The following CNBD1 variants were observed in gnomAD, a reference collection of about 807,000 sequenced individuals.
CNBD1 encodes cyclic nucleotide binding domain containing 1.
Under a neutral mutation model 54.4 loss-of-function variants are expected in CNBD1, and 71 were observed. The ratio of observed to expected loss-of-function variants is 1.30; its 90% CI spans 1.08 to 1.59. The LOEUF (loss-of-function observed/expected upper bound fraction) is 1.59, where lower values mean the gene tolerates loss of function less well. Among genes scored for constraint, CNBD1 ranks in the 40% most tolerant of loss-of-function variants. CNBD1 has a pLI of 0.00. For missense variants in CNBD1, 659 were observed against 518.0 expected (o/e 1.27, Z -2.64); for synonymous variants, 182 against 170.7 (o/e 1.07, Z -0.51).
At chr8:87,383,042 T>TA (rs993673153), downstream of CNBD1, among the ~76,000 whole-genome samples, 167 of 151,966 alleles carry the variant, frequency 1.1e-3, 1 homozygote, top group African/African-American at 3.1e-4. Context: ...CTTTTGGGAT[T>TA]AAAAAAAATC....
At chr8:86,917,652 G>A (rs1167097983) in intron 3 of CNBD1, among the ~76,000 whole-genome samples, 1 of 152,118 alleles carries the variant, frequency 6.6e-6, no homozygotes, top group East Asian at 1.9e-4. Flanking sequence ...AAGAGTGGAT[G>A]CAGAAGCAGA....
At position 87,062,736 on chromosome 8, in the gene CNBD1, GA is replaced by G. The variant is rs34209251; in HGVS notation, c.431+122994del. On this transcript the variant is annotated intron_variant, in intron 4 of 10. Coordinates refer to ENST00000518476, the MANE Select transcript of CNBD1 (RefSeq NM_173538.3). ...GAGCCACAAGAGCGAAACTCCATCTGAAAAAAAAAAAATGCTTTGTACATTA... is the reference window on the plus strand; with the variant it reads ...GAGCCACAAGAGCGAAACTCCATCTGAAAAAAAAAAATGCTTTGTACATTA... Among the ~76,000 whole-genome samples, 926 of 140,158 alleles carry G rather than the reference GA, an allele frequency of 6.6e-3. 8 individuals are homozygous for G. The highest frequency in any genetic ancestry group is 0.021 in the African/African-American group (803 of 38,452). 91.9% of individuals were successfully genotyped at this position (140,158 alleles called of 152,430 possible).
chr8:87,380,143 C>A (rs1211029366), intron 10 of CNBD1, among the ~76,000 whole-genome samples: 1 of 151,816 alleles, frequency 6.6e-6, no homozygotes, highest in East Asian at 1.9e-4. Flanking sequence ...ATATAATTAC[C>A]AGCTAAAAGA....
chr8:86,925,480 AAAGTGTGTGTGTGTGTGT>A lies in CNBD1; in HGVS notation c.273-14115_273-14098del, dbSNP rs1325913125. On this transcript the variant is annotated intron_variant, in intron 3 of 10. Coordinates refer to ENST00000518476, the MANE Select transcript of CNBD1 (RefSeq NM_173538.3). ...AGTAAAATATATACGGGCTTACCAA[AAAGTGTGTGTGTGTGTGT>A]GTGTGTGTGTGTGTGTGTGTGTGTG... 4.3e-5 allele frequency among the ~76,000 whole-genome samples: 5 copies of A among 117,012 alleles called. No individual in the cohort carries two copies. In the South Asian group the frequency reaches 1.2e-3, roughly 28 times the overall value. 76.8% of individuals were successfully genotyped at this position (117,012 alleles called of 152,430 possible). A position where few individuals can be genotyped will look rare whatever the true frequency, so the allele number is the denominator to read the frequency against.
At chr8:86,899,220 T>C (rs1808895432) in intron 2 of CNBD1, among the ~76,000 whole-genome samples, 1 of 152,042 alleles carries the variant, frequency 6.6e-6, no homozygotes. Context: ...GTAGAATATA[T>C]GTAGGATGAA....
chr8:87,209,041 A>C (rs566946957), intron 5 of CNBD1, among the ~76,000 whole-genome samples: 2 of 152,230 alleles, frequency 1.3e-5, no homozygotes, highest in South Asian at 4.1e-4. Flanking sequence ...GACATCAATT[A>C]ACCATAATTC....
intron 8 of CNBD1, among the ~76,000 whole-genome samples, chr8:87,309,798 T>A (rs1809227005): frequency 6.6e-6 from 1 of 152,180 alleles, no homozygotes; most frequent in East Asian, 1.9e-4. Flanking sequence ...TTATCCTCTT[T>A]CTTCTAAAAG....
intron 1 of CNBD1, among the ~76,000 whole-genome samples, chr8:86,882,871 G>A (rs1808625113): frequency 6.6e-6 from 1 of 152,054 alleles, no homozygotes; most frequent in Non-Finnish European, 1.5e-5. Flanking sequence ...TCCTTCACAG[G>A]GACATGGATG....
In CNBD1 at chr8:87,251,043, A is replaced by G. The variant is rs187495445; in HGVS notation, c.771+13931A>G. ...GGTGATAGATACCCCAATTACCCTT[A>G]TTTGATCTCTGTACATTGTATTCCT... On this transcript the variant is annotated intron_variant, in intron 6 of 10. Transcript: ENST00000518476. Among the ~76,000 whole-genome samples, 406 of 152,252 alleles carry G rather than the reference A, an allele frequency of 2.7e-3. 4 individuals carry two copies. Among genetic ancestry groups the G allele is most frequent in the Middle Eastern group, 6.8e-3 (2 of 294 alleles).
intron 4 of CNBD1, among the ~76,000 whole-genome samples, chr8:87,110,167 A>T (rs951822452): frequency 6.6e-6 from 1 of 152,146 alleles, no homozygotes; most frequent in African/African-American, 2.4e-5. Context: ...GAGTGAGGCT[A>T]TGATGCAGAA....
chr8:87,084,165 G>T (rs1432618555), intron 4 of CNBD1, among the ~76,000 whole-genome samples: 1 of 152,054 alleles, frequency 6.6e-6, no homozygotes, highest in Admixed American at 6.6e-5. Context: ...TATATATGTT[G>T]TAAAACCCAA....
intron 10 of CNBD1, among the ~76,000 whole-genome samples, chr8:87,371,702 T>G (rs1266756054): frequency 2.6e-5 from 4 of 152,052 alleles, no homozygotes; most frequent in Non-Finnish European, 4.4e-5. Flanking sequence ...TCAATAAATG[T>G]AATCCAGCGT....
chr8:87,334,551 G>T (rs529988642), intron 8 of CNBD1, among the ~76,000 whole-genome samples: 1 of 142,916 alleles, frequency 7.0e-6, no homozygotes, highest in Middle Eastern at 3.6e-3. Context: ...TGCTTTAGCT[G>T]CATCTCAGAG....
intron 3 of CNBD1, among the ~76,000 whole-genome samples, chr8:86,911,153 C>T (rs1271503557): frequency 6.6e-6 from 1 of 152,184 alleles, no homozygotes; most frequent in African/African-American, 2.4e-5. Context: ...TACCTGGTTT[C>T]CAGGTAGCCC....
At chr8:87,367,874 A>T (rs1402390270) in intron 10 of CNBD1, among the ~76,000 whole-genome samples, 1 of 152,108 alleles carries the variant, frequency 6.6e-6, no homozygotes, top group Non-Finnish European at 1.5e-5. Context: ...GCAAAAGGAC[A>T]TTAAAAGAAT....
chr8:87,079,064 A>G (rs557395158), intron 4 of CNBD1, among the ~76,000 whole-genome samples: 3 of 150,976 alleles, frequency 2.0e-5, no homozygotes, highest in East Asian at 1.9e-4. Context: ...TTTTTTGGTC[A>G]GTATGATTAG....
chr8:86,936,945 C>T (rs899127261), intron 3 of CNBD1, among the ~76,000 whole-genome samples: 2 of 152,032 alleles, frequency 1.3e-5, no homozygotes, highest in African/African-American at 4.8e-5. Flanking sequence ...TATATAAACT[C>T]TTTTAGTTAC....
At chr8:87,229,959 T>C (rs1404083281) in intron 5 of CNBD1, among the ~76,000 whole-genome samples, 1 of 152,166 alleles carries the variant, frequency 6.6e-6, no homozygotes, top group Admixed American at 6.5e-5. Flanking sequence ...CTGGGTAATT[T>C]ATAAAGAAAA....
At chr8:86,930,298 G>A (rs779620759) in intron 3 of CNBD1, among the ~76,000 whole-genome samples, 1 of 152,174 alleles carries the variant, frequency 6.6e-6, no homozygotes, top group Non-Finnish European at 1.5e-5. Context: ...AGGCAGAGCT[G>A]GGTGTTTAAT....
Sources: allele counts gnomAD v4.1 joint callset (sites outside exome capture counted in the v4.1 genomes callset), GRCh38; gene constraint gnomAD v4.1.1; transcripts MANE v1.5; gene names NCBI Gene and HGNC (gene_info 2026-07-23, HGNC 2026-07-21).